The following AK8 variants were observed in gnomAD, a reference collection of about 807,000 sequenced individuals.
The protein encoded by AK8 is ATP-AMP transphosphorylase 8.
AK8 carries 44 observed loss-of-function variants against 54.6 expected under a neutral mutation model. The observed-to-expected ratio is 0.81, with a 90% CI of 0.63 to 1.04. AK8 has a LOEUF of 1.04. Ranked by LOEUF, AK8 falls within the 50% of genes least tolerant of loss-of-function variation. AK8 has a pLI of 0.00. For missense variants in AK8, 555 were observed against 613.6 expected (o/e 0.90, Z 1.01); for synonymous variants, 239 against 245.6 (o/e 0.97, Z 0.25).
chr9:132,761,269 C>CTT (rs534596980), intron 11 of AK8, among the ~76,000 whole-genome samples: 18 of 125,646 alleles, frequency 1.4e-4, no homozygotes, highest in East Asian at 2.1e-4. Context: ...CTTTTCTTTT[C>CTT]TTTTTTTTTT....
intron 10 of AK8, among the ~76,000 whole-genome samples, chr9:132,793,841 T>C (rs1410969): frequency 0.15 from 23,358 of 152,220 alleles, 1,918 homozygotes; most frequent in Admixed American, 0.21. Context: ...TGTGGCCCCA[T>C]TGGAACTGGT....
intron 5 of AK8, among the ~76,000 whole-genome samples, chr9:132,854,170 A>C (rs543402093): frequency 6.6e-6 from 1 of 152,330 alleles, no homozygotes; most frequent in South Asian, 2.1e-4. Context: ...ACTGGGGTCC[A>C]GCCTCGGTGA....
chr9:132,727,661 G>T, intron 11 of AK8, 127 bp from the exon 12 acceptor site: 1 of 846,584 alleles, frequency 1.2e-6, no homozygotes, highest in Non-Finnish European at 1.9e-6. Context: ...CCTAGAGCCA[G>T]CAAGCAATGT....
In AK8 at chr9:132,746,382, G is replaced by A. The variant is rs571170102; in HGVS notation, c.1122-18848C>T. Among the ~76,000 whole-genome samples the A allele has an allele frequency of 3.3e-4, 51 of 152,330 alleles. No homozygotes were observed. In the Middle Eastern group the frequency reaches 0.014, roughly 41 times the overall value. On this transcript the variant is annotated intron_variant, in intron 11 of 12. Transcript: ENST00000298545. ...TGGGGCTCTGGGGTCTGCACTCTCAGGATCAAGGCTCATACCCTTCTGCAG... is the reference window on the plus strand; with the variant it reads ...TGGGGCTCTGGGGTCTGCACTCTCAAGATCAAGGCTCATACCCTTCTGCAG...
intron 3 of AK8, among the ~76,000 whole-genome samples, chr9:132,865,055 C>T (rs1843531221): frequency 6.6e-6 from 1 of 152,168 alleles, no homozygotes; most frequent in Non-Finnish European, 1.5e-5. Context: ...GGTTGGTCTG[C>T]AGGGGACTCC....
At chr9:132,804,104 C>CAAAA (rs200556575) in intron 10 of AK8, among the ~76,000 whole-genome samples, 1 of 93,274 alleles carries the variant, frequency 1.1e-5, no homozygotes, top group Non-Finnish European at 2.3e-5. Context: ...GACTCCATCT[C>CAAAA]AAAAAAAAAA....
Position 132,837,417 on chromosome 9 carries a change from G to A in AK8, c.403-8691C>T, listed in dbSNP as rs2771993. On this transcript the variant is annotated intron_variant, in intron 5 of 12. Coordinates refer to ENST00000298545, the MANE Select transcript of AK8 (RefSeq NM_152572.3). This position sits in a 1 kb window ranked among gnomAD's most constrained non-coding sequence, Gnocchi z 4.3. The stretch of plus-strand genomic sequence containing the variant: ...GCCCTGCTAGCTCTCGGGAGCAGAC[G>A]TGGCACCTCTGACTCTCTGCTCAGC... Among the ~76,000 whole-genome samples the A allele has an allele frequency of 6.6e-6, 1 of 151,942 alleles. No homozygotes were observed. The highest frequency in any genetic ancestry group is 6.6e-5 in the Admixed American group (1 of 15,256).
Position 132,826,169 on chromosome 9 carries a change from G to A in AK8, c.757+685C>T, listed in dbSNP as rs184635516. 6.6e-6 allele frequency among the ~76,000 whole-genome samples: 1 copy of A among 152,302 alleles called. No homozygotes were observed. The highest frequency in any genetic ancestry group is 1.9e-4 in the East Asian group (1 of 5,186). On this transcript the variant is annotated intron_variant, in intron 8 of 12. Coordinates refer to ENST00000298545, the MANE Select transcript of AK8 (RefSeq NM_152572.3). This position sits in a 1 kb window ranked among gnomAD's most constrained non-coding sequence, Gnocchi z 4.5. ...ATCCTCACCTACGCCTGGGAGGAGG[G>A]CACAAGTTTTGTTCCTATTTTAGCG...
intron 11 of AK8, among the ~76,000 whole-genome samples, chr9:132,762,719 T>C (rs1216879513): frequency 2.0e-5 from 3 of 151,818 alleles, no homozygotes; most frequent in African/African-American, 7.3e-5. Flanking sequence ...GCCTGGCCAA[T>C]ATGGAGAAAC....
intron 4 of AK8, among the ~76,000 whole-genome samples, chr9:132,855,881 T>C (rs964604512): frequency 1.3e-5 from 2 of 152,076 alleles, no homozygotes; most frequent in Non-Finnish European, 2.9e-5. Context: ...ATGGTCTGGG[T>C]GTGCTCAACT....
intron 10 of AK8, among the ~76,000 whole-genome samples, chr9:132,802,873 C>T (rs924166978): frequency 1.4e-4 from 21 of 152,128 alleles, no homozygotes; most frequent in African/African-American, 4.3e-4. Context: ...ATAAACTCAG[C>T]GTCATTTTAT....
At chr9:132,792,547 G>T in intron 11 of AK8, 87 bp downstream of exon 11, 1 of 1,460,574 alleles carries the variant, frequency 6.8e-7, no homozygotes, top group Non-Finnish European at 9.1e-7. Context: ...GTGAAGGCTT[G>T]TGTAACCTGG....
chr9:132,767,059 C>A (rs1327278973), intron 11 of AK8, among the ~76,000 whole-genome samples: 1 of 152,190 alleles, frequency 6.6e-6, no homozygotes, highest in Admixed American at 6.5e-5. Context: ...CACTTCAGGA[C>A]ATTGGTCTGG....
At chr9:132,833,278 C>A (rs946641580) in intron 5 of AK8, among the ~76,000 whole-genome samples, 2 of 152,200 alleles carry the variant, frequency 1.3e-5, no homozygotes, top group Non-Finnish European at 2.9e-5. Flanking sequence ...AGGGAAGCAG[C>A]AATTTTGGCT....
chr9:132,782,664 G>T (rs902921958), intron 11 of AK8, among the ~76,000 whole-genome samples: 1 of 151,916 alleles, frequency 6.6e-6, no homozygotes, highest in African/African-American at 2.4e-5. Flanking sequence ...ACTCCAGCCT[G>T]GGCAACAAGA....
intron 10 of AK8, among the ~76,000 whole-genome samples, chr9:132,806,089 C>T (rs368781651): frequency 7.5e-6 from 1 of 132,784 alleles, no homozygotes; most frequent in Non-Finnish European, 1.6e-5. Context: ...GTGTTTATTA[C>T]TTACTGCTTG....
chr9:132,763,611 C>A (rs1047709969), intron 11 of AK8, among the ~76,000 whole-genome samples: 6 of 152,246 alleles, frequency 3.9e-5, no homozygotes, highest in Non-Finnish European at 8.8e-5. Context: ...TCAAATAAGG[C>A]AAATGCCAAG....
chr9:132,763,742 G>C (rs1838592327), intron 11 of AK8, among the ~76,000 whole-genome samples: 1 of 152,222 alleles, frequency 6.6e-6, no homozygotes, highest in African/African-American at 2.4e-5. Context: ...TTCTGAGCCT[G>C]TTCTGGTTTG....
chr9:132,741,694 T>C (rs1174679992), intron 11 of AK8, among the ~76,000 whole-genome samples: 1 of 152,202 alleles, frequency 6.6e-6, no homozygotes, highest in Non-Finnish European at 1.5e-5. Flanking sequence ...CTGTAATGAG[T>C]CTAATTCAAT....
Sources: allele counts gnomAD v4.1 joint callset (sites outside exome capture counted in the v4.1 genomes callset), GRCh38; gene constraint gnomAD v4.1.1; non-coding constraint Gnocchi (gnomAD v3.1); transcripts MANE v1.5; gene names NCBI Gene and HGNC (gene_info 2026-07-23, HGNC 2026-07-21).